The following IGF2BP3 variants were observed in gnomAD, a reference collection of about 807,000 sequenced individuals.
IGF2BP3 encodes insulin-like growth factor 2 mRNA-binding protein 3.
IGF2BP3 carries 9 observed loss-of-function variants against 73.8 expected under a neutral mutation model. That is an observed-to-expected ratio of 0.12 (90% CI 0.07 to 0.21). The LOEUF (loss-of-function observed/expected upper bound fraction) is 0.21. Among genes scored for constraint, IGF2BP3 ranks in the 10% least tolerant of loss-of-function variants. The pLI, the probability that IGF2BP3 is intolerant of heterozygous loss-of-function variation, is 1.00. For synonymous variants in IGF2BP3, 258 were observed against 256.7 expected (o/e 1.01, Z -0.05); for missense variants, 542 against 714.0 (o/e 0.76, Z 2.75).
intron 8 of IGF2BP3, among the ~76,000 whole-genome samples, chr7:23,345,462 T>C (rs1399544911): frequency 6.6e-6 from 1 of 152,216 alleles, no homozygotes; most frequent in Non-Finnish European, 1.5e-5. Flanking sequence ...GAAGCCCATG[T>C]GGGAGGAACT....
At chr7:23,369,272 A>G (rs903731988) in intron 3 of IGF2BP3, among the ~76,000 whole-genome samples, 1 of 152,150 alleles carries the variant, frequency 6.6e-6, no homozygotes. Flanking sequence ...AGAAGTGGAC[A>G]CCACATGACA....
intron 2 of IGF2BP3, among the ~76,000 whole-genome samples, chr7:23,452,795 CA>C (rs1788231881): frequency 8.1e-6 from 1 of 123,008 alleles, no homozygotes; most frequent in African/African-American, 3.2e-5. Context: ...GTGCGAGACT[CA>C]TCTCAAAAAA....
At chr7:23,418,854 G>GA (rs748667167) in intron 2 of IGF2BP3, 30 bp from the exon 3 acceptor site, 15 of 1,457,748 alleles carry the variant, frequency 1.0e-5, no homozygotes, top group Non-Finnish European at 1.4e-5. Flanking sequence ...TTTTTTAAAA[G>GA]AAAAAAACAT....
chr7:23,341,417 G>A (rs910301228), intron 10 of IGF2BP3, among the ~76,000 whole-genome samples: 1 of 152,166 alleles, frequency 6.6e-6, no homozygotes, highest in African/African-American at 2.4e-5. Context: ...TATAACCCCA[G>A]CACTTTGAGA....
At chr7:23,384,619 G>A (rs1052372998) in intron 3 of IGF2BP3, among the ~76,000 whole-genome samples, 1 of 152,156 alleles carries the variant, frequency 6.6e-6, no homozygotes, top group Non-Finnish European at 1.5e-5. Context: ...CACTGGGCGA[G>A]GTGGCTCATA....
intron 3 of IGF2BP3, among the ~76,000 whole-genome samples, chr7:23,392,451 T>C (rs274021): frequency 0.29 from 41,775 of 143,756 alleles, 6,760 homozygotes; most frequent in East Asian, 0.72. Context: ...TATATATATA[T>C]ACACACACAC....
chr7:23,468,692 GC>G, intron 1 of IGF2BP3, 150 bp from the exon 2 acceptor site: 1 of 750,934 alleles, frequency 1.3e-6, no homozygotes, highest in Non-Finnish European at 2.3e-6. Flanking sequence ...GGAGGGAGAA[GC>G]CGACCCCCTC....
chr7:23,310,377 T>G lies in IGF2BP3; in HGVS notation c.*1985A>C, dbSNP rs1783795046. ...ATACTCCAAATTACAAATGCTTAAG[T>G]AAAAGTAAAATATGATTTGCCATAC... On this transcript the variant is annotated 3_prime_UTR_variant, in exon 15 of 15. Coordinates refer to ENST00000258729, the MANE Select transcript of IGF2BP3 (RefSeq NM_006547.3). The G allele has an allele frequency of 6.6e-6, 1 of 150,868 alleles. No individual in the cohort carries two copies. Among genetic ancestry groups the G allele is most frequent in the Admixed American group, 6.6e-5 (1 of 15,142 alleles). The allele number at this position is 150,868 out of a possible 1,614,324, so 9.3% of individuals were successfully genotyped here.
intron 3 of IGF2BP3, among the ~76,000 whole-genome samples, chr7:23,376,540 GAAA>G (rs763360484): frequency 6.1e-4 from 54 of 88,692 alleles, no homozygotes; most frequent in Non-Finnish European, 3.7e-4. Context: ...ATCTCCCAAA[GAAA>G]AAAAAAAAAA....
intron 10 of IGF2BP3, among the ~76,000 whole-genome samples, chr7:23,327,483 G>A (rs1426932944): frequency 5.3e-5 from 8 of 151,822 alleles, no homozygotes; most frequent in South Asian, 4.2e-4. Context: ...GGGTTTCACC[G>A]TGTTAGCCAG....
At chr7:23,423,857 A>C (rs4442011) in intron 2 of IGF2BP3, among the ~76,000 whole-genome samples, 96,271 of 152,034 alleles carry the variant, frequency 0.63, 31,127 homozygotes, top group African/African-American at 0.75. Context: ...CAGTGGCTTA[A>C]GCCTGTAATC....
intron 9 of IGF2BP3, 40 bp from the exon 10 acceptor site, chr7:23,342,229 G>C (rs1409222906): frequency 6.2e-7 from 1 of 1,608,700 alleles, no homozygotes; most frequent in East Asian, 2.2e-5. Context: ...ACAATTAAAA[G>C]AATCAAGGGA....
chr7:23,395,723 C>T (rs573326954), intron 3 of IGF2BP3, among the ~76,000 whole-genome samples: 6 of 152,050 alleles, frequency 3.9e-5, no homozygotes, highest in South Asian at 2.1e-4. Context: ...GTCAGGAGTT[C>T]GTGACCAGCC....
At chr7:23,355,908 A>G (rs1785084730) in intron 5 of IGF2BP3, among the ~76,000 whole-genome samples, 1 of 148,766 alleles carries the variant, frequency 6.7e-6, no homozygotes, top group Non-Finnish European at 1.5e-5. Flanking sequence ...ACCCCAGCCT[A>G]GGTGATGAAA....
At chr7:23,441,574 T>TAAAAAAAAAAAAAAAAA (rs769391858) in intron 2 of IGF2BP3, among the ~76,000 whole-genome samples, 2 of 56,956 alleles carry the variant, frequency 3.5e-5, no homozygotes, top group Non-Finnish European at 6.5e-5. Context: ...CTCCATCTCT[T>TAAAAAAAAAAAAAAAAA]AAAAAAAAAA....
intron 2 of IGF2BP3, among the ~76,000 whole-genome samples, chr7:23,466,024 G>GGT (rs1554338780): frequency 7.0e-6 from 1 of 142,528 alleles, no homozygotes; most frequent in Non-Finnish European, 1.5e-5. Context: ...GAGAAAAAAG[G>GGT]TTTTTTTTTT....
At chr7:23,321,385 CAGG>C (rs1562669671) in intron 10 of IGF2BP3, among the ~76,000 whole-genome samples, 1 of 152,218 alleles carries the variant, frequency 6.6e-6, no homozygotes, top group African/African-American at 2.4e-5. Context: ...AACGGCACAC[CAGG>C]AGATTATATC....
intron 2 of IGF2BP3, among the ~76,000 whole-genome samples, chr7:23,428,824 A>G (rs1355591248): frequency 1.3e-5 from 2 of 151,050 alleles, no homozygotes; most frequent in African/African-American, 4.9e-5. Context: ...CAAATATTTC[A>G]TTCCTTCAGT....
chr7:23,362,006 C>T (rs1296495158), intron 3 of IGF2BP3, among the ~76,000 whole-genome samples: 3 of 152,154 alleles, frequency 2.0e-5, no homozygotes, highest in East Asian at 1.9e-4. Context: ...AAGCCACAGC[C>T]GCCTGGTTCC....
Sources: allele counts gnomAD v4.1 joint callset (sites outside exome capture counted in the v4.1 genomes callset), GRCh38; gene constraint gnomAD v4.1.1; transcripts MANE v1.5; gene names NCBI Gene and HGNC (gene_info 2026-07-23, HGNC 2026-07-21).